LIAT1: variants seen among roughly 807,000 people sequenced by gnomAD.
The protein encoded by LIAT1 is protein LIAT1.
chr17:414,198 T>C, the LIAT1 span: 3 of 1,471,360 alleles, frequency 2.0e-6, no homozygotes, highest in Non-Finnish European at 2.8e-6. The surrounding 1 kb of genome is among the most constrained non-coding windows in gnomAD (Gnocchi z 4.1). Flanking sequence ...TAAAAGGAAA[T>C]GAGACCCGTA....
At chr17:410,540 G>A in the LIAT1 span, 1 of 1,546,480 alleles carries the variant, frequency 6.5e-7, no homozygotes, top group South Asian at 1.2e-5. Flanking sequence ...CGGGCCCGCG[G>A]GGGTCTAGAC....
the LIAT1 span, chr17:410,433 T>G: frequency 1.3e-6 from 2 of 1,538,254 alleles, no homozygotes; most frequent in Non-Finnish European, 1.7e-6. Context: ...GCGGGTTGGG[T>G]TGCAGCCCAG....
At chr17:413,297 A>G in the LIAT1 span, 1 of 1,614,250 alleles carries the variant, frequency 6.2e-7, no homozygotes, top group Non-Finnish European at 8.5e-7. Context: ...CTCCACCGTC[A>G]GCCTCCCCGA....
the LIAT1 span, among the ~76,000 whole-genome samples, chr17:412,661 T>G: frequency 6.6e-6 from 1 of 152,212 alleles, no homozygotes; most frequent in Non-Finnish European, 1.5e-5. Flanking sequence ...GAAGCTTTTC[T>G]GTTGTTTTCC....
the LIAT1 span, among the ~76,000 whole-genome samples, chr17:410,825 G>A: frequency 1.3e-5 from 2 of 151,984 alleles, no homozygotes; most frequent in African/African-American, 4.8e-5. Flanking sequence ...CACCCGTGGA[G>A]ACCATCCACC....
the LIAT1 span, chr17:414,348 T>G: frequency 1.9e-6 from 1 of 537,246 alleles, no homozygotes; most frequent in Non-Finnish European, 3.3e-6. The surrounding 1 kb of genome is among the most constrained non-coding windows in gnomAD (Gnocchi z 4.1). Context: ...ATTTCCTTTT[T>G]CTTAAGTAAG....
the LIAT1 span, chr17:413,709 C>G: frequency 6.3e-7 from 1 of 1,585,204 alleles, no homozygotes; most frequent in Non-Finnish European, 8.6e-7. Context: ...CACATTGACC[C>G]CGAGGCCCTC....
the LIAT1 span, chr17:414,298 T>A: frequency 1.5e-6 from 1 of 678,040 alleles, no homozygotes; most frequent in Non-Finnish European, 2.5e-6. This position sits in a 1 kb window ranked among gnomAD's most constrained non-coding sequence, Gnocchi z 4.1. Flanking sequence ...CACAGTGCCT[T>A]GAGAACATAA....
the LIAT1 span, chr17:413,952 A>T: frequency 6.2e-7 from 1 of 1,614,102 alleles, no homozygotes; most frequent in African/African-American, 1.3e-5. Context: ...ACTGACCCCA[A>T]TGCCGAGGAG....
chr17:410,523 G>A, the LIAT1 span: 2 of 1,545,456 alleles, frequency 1.3e-6, no homozygotes, highest in Non-Finnish European at 1.7e-6. Context: ...GCGGGAGGGC[G>A]GCGCCGCGGG....
At chr17:410,348 G>C in the LIAT1 span, 81 of 1,476,378 alleles carry the variant, frequency 5.5e-5, no homozygotes, top group Admixed American at 2.0e-3. Context: ...TCGCCATGGA[G>C]ACGCGTGGCC....
chr17:411,787 A>G, the LIAT1 span, among the ~76,000 whole-genome samples: 4 of 152,262 alleles, frequency 2.6e-5, no homozygotes, highest in Middle Eastern at 3.4e-3. Flanking sequence ...ACCCACTTTG[A>G]GGAGAGAGAG....
At chr17:413,611 C>T in the LIAT1 span, 2 of 1,543,384 alleles carry the variant, frequency 1.3e-6, no homozygotes, top group Non-Finnish European at 1.8e-6. Context: ...AGGGCTTCCA[C>T]CCCGACCCCG....
At chr17:410,781 C>A in the LIAT1 span, 1 of 764,546 alleles carries the variant, frequency 1.3e-6, no homozygotes, top group African/African-American at 1.8e-5. Flanking sequence ...GCTCCCCACA[C>A]ATGCCCGTCA....
At chr17:414,426 G>A in the LIAT1 span, 247 of 318,840 alleles carry the variant, frequency 7.7e-4, no homozygotes, top group South Asian at 2.5e-3. This position sits in a 1 kb window ranked among gnomAD's most constrained non-coding sequence, Gnocchi z 4.1. Context: ...AAAAGAAAGC[G>A]TGTAGATGAT....
chr17:413,635 C>T, the LIAT1 span: 137 of 1,486,236 alleles, frequency 9.2e-5, 9 homozygotes, highest in East Asian at 1.1e-3. Flanking sequence ...CCCTCAAGGG[C>T]TTCCACCCCG....
At chr17:412,995 AGGTGGGCACGAGGCT>A in the LIAT1 span, 3 of 733,384 alleles carry the variant, frequency 4.1e-6, no homozygotes, top group African/African-American at 3.5e-5. Context: ...TCACACAGGC[AGGTGGGCACGAGGCT>A]GGTGGGCTTG....
At chr17:410,433 T>C in the LIAT1 span, 1 of 1,538,370 alleles carries the variant, frequency 6.5e-7, no homozygotes. Flanking sequence ...GCGGGTTGGG[T>C]TGCAGCCCAG....
At chr17:410,656 G>A in the LIAT1 span, 4 of 1,537,914 alleles carry the variant, frequency 2.6e-6, no homozygotes, top group Non-Finnish European at 3.5e-6. Context: ...GGTAAGAGGA[G>A]CAGCTAGCCC....
Sources: allele counts gnomAD v4.1 joint callset (sites outside exome capture counted in the v4.1 genomes callset), GRCh38; gene constraint gnomAD v4.1.1; non-coding constraint Gnocchi (gnomAD v3.1); transcripts MANE v1.5; gene names NCBI Gene and HGNC (gene_info 2026-07-23, HGNC 2026-07-21).